PRKDC: variants seen among roughly 807,000 people sequenced by gnomAD.
PRKDC encodes protein kinase, DNA-activated, catalytic subunit.
In PRKDC, 82 loss-of-function variants were observed where a neutral mutation model predicts 486.9. The ratio of observed to expected loss-of-function variants is 0.17; its 90% confidence interval spans 0.14 to 0.20. The LOEUF (loss-of-function observed/expected upper bound fraction) is 0.20. Among genes scored for constraint, PRKDC ranks in the 10% least tolerant of loss-of-function variants. PRKDC has a pLI of 1.00. For missense variants in PRKDC, 4,504 were observed against 5,038.2 expected (o/e 0.89, Z 3.21); for synonymous variants, 1,895 against 1,837.0 (o/e 1.03, Z -0.81).
chr8:47,954,978 AC>A (rs1262923523), intron 4 of PRKDC, among the ~76,000 whole-genome samples: 2 of 151,066 alleles, frequency 1.3e-5, no homozygotes, highest in Admixed American at 6.6e-5. Flanking sequence ...ACACAGTAAA[AC>A]CCCGTCTCTA....
intron 68 of PRKDC, among the ~76,000 whole-genome samples, chr8:47,812,113 C>T (rs1381099682): frequency 6.6e-6 from 1 of 152,068 alleles, no homozygotes; most frequent in Admixed American, 6.6e-5. Flanking sequence ...ATGTATGTAC[C>T]TAATAACAGA....
intron 30 of PRKDC, 51 bp downstream of exon 30, chr8:47,897,110 A>T: frequency 3.3e-6 from 5 of 1,496,972 alleles, no homozygotes; most frequent in Non-Finnish European, 4.5e-6. Context: ...CTTCTTTTAA[A>T]TGGGATAATA....
Position 47,886,031 on chromosome 8 carries a change from G to A in PRKDC, c.4689C>T (p.Phe1563=), listed in dbSNP as rs527806311. 1.2e-5 allele frequency: 19 copies of A among 1,613,794 alleles called. No homozygotes were observed. The South Asian group carries it at 2.1e-4, about 18-fold the overall frequency. The change falls in exon 36 of 86, where the codon TTC becomes TTT. Residue 1563 remains phenylalanine, a synonymous_variant. Transcript: ENST00000314191. ...FSHGEYFYSL[F]SETINTELLK... ...ATAATTCCGTGTTGATCGTTTCTGAGAACAAGCTATAGAAATACTCCCCAT... is the reference window on the plus strand; with the variant it reads ...ATAATTCCGTGTTGATCGTTTCTGAAAACAAGCTATAGAAATACTCCCCAT...
chr8:47,943,262 T>C lies in PRKDC; in HGVS notation c.913A>G (p.Asn305Asp), dbSNP rs538586255. 1 of 1,613,306 alleles carries C rather than the reference T, an allele frequency of 6.2e-7. No individual in the cohort carries two copies. The highest frequency in any genetic ancestry group is 2.2e-5 in the East Asian group (1 of 44,882). The change falls in exon 10 of 86, where the codon AAT becomes GAT. Residue 305 changes from asparagine to aspartate, a missense_variant. Asn to Asp is a conservative substitution (Grantham distance 23, BLOSUM62 1). This residue lies in a region of PRKDC where 1,969 missense variants were observed against 2,068.9 expected (regional missense o/e 0.95). Coordinates refer to ENST00000314191, the MANE Select transcript of PRKDC (RefSeq NM_006904.7). ...EVLLKWCAHT[N>D]VELKKAALSA... ...AGTGCAGCTTTTTTCAATTCTACATTTGTGTGGGCACACCACTTTAACAAG... is the reference window on the plus strand; with the variant it reads ...AGTGCAGCTTTTTTCAATTCTACATCTGTGTGGGCACACCACTTTAACAAG...
At chr8:47,861,641 T>C (rs759957941) in intron 44 of PRKDC, among the ~76,000 whole-genome samples, 3 of 152,228 alleles carry the variant, frequency 2.0e-5, no homozygotes, top group Non-Finnish European at 4.4e-5. Flanking sequence ...GAGGCTGGCA[T>C]GTCAATCTGA....
chr8:47,847,754 C>T (rs369576422), intron 54 of PRKDC, among the ~76,000 whole-genome samples: 1 of 151,842 alleles, frequency 6.6e-6, no homozygotes, highest in South Asian at 2.1e-4. Context: ...AACTATGCAC[C>T]TAACGAAGGT....
intron 4 of PRKDC, 22 bp downstream of exon 4, chr8:47,955,852 G>T: frequency 6.6e-7 from 1 of 1,520,308 alleles, no homozygotes; most frequent in Non-Finnish European, 9.0e-7. Flanking sequence ...TGTAAAATAC[G>T]TGTACTTAGA....
At position 47,936,433 on chromosome 8, in the gene PRKDC, T is replaced by C. The variant is rs2090353292; in HGVS notation, c.1198A>G (p.Thr400Ala). 6.2e-7 allele frequency: 1 copy of C among 1,614,036 alleles called. No individual in the cohort carries two copies. Among genetic ancestry groups the C allele is most frequent in the Non-Finnish European group, 8.5e-7 (1 of 1,179,896 alleles). ...QRCKQMFLTQTDTGDDRVYQM... is the reference protein window; with the variant it reads ...QRCKQMFLTQADTGDDRVYQM... ...TAAACACGGTCGTCACCAGTGTCTG[T>C]CTGGGTGAGGAACATCTGCTTGCAG... The change falls in exon 12 of 86, where the codon ACA (threonine) becomes GCA (alanine). Residue 400 changes from threonine (T) to alanine (A), a missense_variant. Physicochemically the swap from Thr to Ala is moderately conservative, Grantham distance 58. This residue lies in a region of PRKDC where 1,969 missense variants were observed against 2,068.9 expected (regional missense o/e 0.95). Transcript: ENST00000314191.
At chr8:47,908,622 A>G (rs888517186) in intron 25 of PRKDC, among the ~76,000 whole-genome samples, 2 of 152,190 alleles carry the variant, frequency 1.3e-5, no homozygotes, top group African/African-American at 4.8e-5. Flanking sequence ...CAAAACATCT[A>G]TGCACATGTC....
At chr8:47,959,214 A>C (rs990350417) in intron 1 of PRKDC, 1 of 152,244 alleles carries the variant, frequency 6.6e-6, no homozygotes, top group Non-Finnish European at 1.5e-5. Flanking sequence ...AAAATGCTAA[A>C]AAGAGGCACT....
rs2089422020 is a variant in PRKDC at position 47,889,904 on chromosome 8, A to T, written c.4071+353T>A. Among the ~76,000 whole-genome samples the T allele has an allele frequency of 2.0e-5, 3 of 152,248 alleles. No homozygotes were observed. The South Asian group carries it at 6.2e-4, about 32-fold the overall frequency. On this transcript the variant is annotated intron_variant, in intron 32 of 85. Coordinates refer to ENST00000314191, the MANE Select transcript of PRKDC (RefSeq NM_006904.7). The stretch of plus-strand genomic sequence containing the variant: ...CATCAGAAAAAATGTTACATATATG[A>T]GGTAACAGATACGTTAATTAGCTTG...
chr8:47,801,954 A>G (rs190209627), intron 70 of PRKDC, among the ~76,000 whole-genome samples: 9 of 152,306 alleles, frequency 5.9e-5, no homozygotes, highest in Non-Finnish European at 1.2e-4. Context: ...TACTCTGTGT[A>G]ATTATTATTA....
At chr8:47,865,652 C>T (rs945897606) in intron 40 of PRKDC, among the ~76,000 whole-genome samples, 1 of 151,830 alleles carries the variant, frequency 6.6e-6, no homozygotes, top group African/African-American at 2.4e-5. Flanking sequence ...GTTAGATAAC[C>T]AGGTCAAAAA....
Position 47,794,454 on chromosome 8 carries a change from C to T in PRKDC, c.10506G>A (p.Met3502Ile), listed in dbSNP as rs770624963. ...CTTGGTCTTTGTCCAGTAAGGCCAC[C>T]ATGTGGCTGATCCAGCTGATGAACT... The part of the protein sequence containing the change: ...CWQFISWISH[M>I]VALLDKDQAV... Residue 3502 changes from methionine to isoleucine, a missense_variant, in exon 74 of 86, where the codon ATG becomes ATA. Physicochemically the swap from Met to Ile is conservative, Grantham distance 10 (BLOSUM62 1). Coordinates refer to ENST00000314191, the MANE Select transcript of PRKDC (RefSeq NM_006904.7). 1 of 1,613,720 alleles carries T rather than the reference C, an allele frequency of 6.2e-7. No individual in the cohort carries two copies. The highest frequency in any genetic ancestry group is 2.2e-5 in the East Asian group (1 of 44,880).
intron 7 of PRKDC, 91 bp downstream of exon 7, chr8:47,953,529 G>A: frequency 1.6e-6 from 2 of 1,213,808 alleles, no homozygotes; most frequent in Non-Finnish European, 2.4e-6. Flanking sequence ...TGTAAATTCA[G>A]GATTGGTTAA....
intron 10 of PRKDC, among the ~76,000 whole-genome samples, chr8:47,942,520 G>A (rs1448414496): frequency 1.3e-5 from 2 of 152,174 alleles, no homozygotes; most frequent in Admixed American, 1.3e-4. Flanking sequence ...CTGCCACACT[G>A]TTCACACAGG....
chr8:47,794,900 A>T (rs994636135), intron 73 of PRKDC, among the ~76,000 whole-genome samples: 4 of 152,070 alleles, frequency 2.6e-5, no homozygotes, highest in Admixed American at 6.5e-5. Flanking sequence ...TTATTTATTT[A>T]TTTTTTTGAG....
intron 48 of PRKDC, among the ~76,000 whole-genome samples, chr8:47,858,196 C>CTT (rs1041282200): frequency 8.1e-5 from 12 of 148,360 alleles, no homozygotes; most frequent in Non-Finnish European, 1.5e-4. Context: ...CCACCCCCCG[C>CTT]TTTTTTTTTT....
chr8:47,804,887 G>A (rs1435038664), intron 69 of PRKDC, among the ~76,000 whole-genome samples: 3 of 151,962 alleles, frequency 2.0e-5, no homozygotes, highest in East Asian at 1.9e-4. Context: ...TCAGCCTCCC[G>A]AGTAGCTGGG....
Sources: allele counts gnomAD v4.1 joint callset (sites outside exome capture counted in the v4.1 genomes callset), GRCh38; gene constraint gnomAD v4.1.1; regional missense constraint gnomAD v4.1.1; transcripts MANE v1.5; gene names NCBI Gene and HGNC (gene_info 2026-07-23, HGNC 2026-07-21).